Variants in B3GALT1 observed in about 807,000 individuals in gnomAD.
B3GALT1 encodes the protein beta-1,3-galactosyltransferase 1.
Under a neutral mutation model 23.2 loss-of-function variants are expected in B3GALT1, and 10 were observed. That is an observed-to-expected ratio of 0.43 (90% CI 0.27 to 0.73). The LOEUF is 0.73. B3GALT1 is among the 30% of genes least tolerant of loss of function. The probability of loss-of-function intolerance (pLI) is 0.21; values close to 1 mark genes in which losing one functional copy is unlikely to be tolerated. For missense variants in B3GALT1, 299 were observed against 405.4 expected (o/e 0.74, Z 2.25); for synonymous variants, 156 against 141.5 (o/e 1.10, Z -0.73).
chr2:167,460,516 T>A (rs577264724), intron 1 of B3GALT1, among the ~76,000 whole-genome samples: 8 of 152,286 alleles, frequency 5.3e-5, no homozygotes, highest in Admixed American at 4.6e-4. Context: ...TTTTCGTGAT[T>A]TCTTCCAAAT....
intron 2 of B3GALT1, among the ~76,000 whole-genome samples, chr2:167,591,597 G>A (rs995764188): frequency 4.6e-5 from 7 of 152,118 alleles, no homozygotes; most frequent in East Asian, 1.9e-4. Flanking sequence ...AGCCTTCGGA[G>A]TAGCTGGAAC....
intron 2 of B3GALT1, among the ~76,000 whole-genome samples, chr2:167,586,796 T>C (rs1246945440): frequency 2.0e-5 from 3 of 152,220 alleles, no homozygotes; most frequent in Non-Finnish European, 2.9e-5. Context: ...GTTTGAAAAC[T>C]TAATATGTAA....
chr2:167,400,184 G>GTGTGTGTGTC (rs1240975872), intron 1 of B3GALT1, among the ~76,000 whole-genome samples: 2 of 151,450 alleles, frequency 1.3e-5, no homozygotes, highest in African/African-American at 2.4e-5. Flanking sequence ...GTGTGTGTGT[G>GTGTGTGTGTC]TGTGTGTGTC....
intron 1 of B3GALT1, among the ~76,000 whole-genome samples, chr2:167,481,839 T>G (rs1017916245): frequency 6.6e-6 from 1 of 152,232 alleles, no homozygotes; most frequent in Non-Finnish European, 1.5e-5. Context: ...GAGAGCACTC[T>G]GTTACATGCC....
chr2:167,753,018 A>G (rs137970808), intron 3 of B3GALT1, among the ~76,000 whole-genome samples: 29 of 152,334 alleles, frequency 1.9e-4, no homozygotes, highest in African/African-American at 6.3e-4. Context: ...CTGTAGGTCC[A>G]CAGTGATTCT....
At chr2:167,377,534 A>G (rs1444973906) in intron 1 of B3GALT1, among the ~76,000 whole-genome samples, 1 of 152,142 alleles carries the variant, frequency 6.6e-6, no homozygotes, top group Admixed American at 6.5e-5. Flanking sequence ...TATATGTTGT[A>G]TAGTTAACTC....
At chr2:167,566,203 A>T (rs138122403) in intron 2 of B3GALT1, among the ~76,000 whole-genome samples, 1 of 152,120 alleles carries the variant, frequency 6.6e-6, no homozygotes, top group East Asian at 1.9e-4. Context: ...CCTTTGTAGG[A>T]ACATGGATGA....
chr2:167,795,092 C>T (rs1401367640), intron 3 of B3GALT1, among the ~76,000 whole-genome samples: 1 of 152,082 alleles, frequency 6.6e-6, no homozygotes. Flanking sequence ...CAGTGAGTAC[C>T]ATGATAGCAT....
intron 3 of B3GALT1, among the ~76,000 whole-genome samples, chr2:167,744,637 G>T (rs1424554271): frequency 1.3e-5 from 2 of 151,600 alleles, no homozygotes; most frequent in African/African-American, 4.9e-5. Context: ...TGTTGCCCAG[G>T]CTGGAGTGCA....
At chr2:167,356,313 C>G (rs1697403117) in intron 1 of B3GALT1, among the ~76,000 whole-genome samples, 1 of 152,074 alleles carries the variant, frequency 6.6e-6, no homozygotes, top group Non-Finnish European at 1.5e-5. Flanking sequence ...TATATATGCC[C>G]TTGGCCATAA....
chr2:167,821,524 T>C (rs188478978), intron 4 of B3GALT1, among the ~76,000 whole-genome samples: 1 of 145,290 alleles, frequency 6.9e-6, no homozygotes. Context: ...AACCTCTGCC[T>C]CCTGGGTTCA....
chr2:167,392,879 ACT>A (rs1323568604), intron 1 of B3GALT1, among the ~76,000 whole-genome samples: 1 of 152,024 alleles, frequency 6.6e-6, no homozygotes, highest in Non-Finnish European at 1.5e-5. Context: ...ATCATAACAC[ACT>A]CTCCTCTAGA....
intron 1 of B3GALT1, among the ~76,000 whole-genome samples, chr2:167,450,821 G>A (rs1699078111): frequency 6.6e-6 from 1 of 152,028 alleles, no homozygotes; most frequent in African/African-American, 2.4e-5. Flanking sequence ...TCTTCATCAG[G>A]AACATCAATT....
At chr2:167,547,139 G>A (rs1300323177) in intron 2 of B3GALT1, among the ~76,000 whole-genome samples, 1 of 152,166 alleles carries the variant, frequency 6.6e-6, no homozygotes, top group Middle Eastern at 3.2e-3. Context: ...CAGTTGCTTT[G>A]CAGCAGACGC....
intron 2 of B3GALT1, among the ~76,000 whole-genome samples, chr2:167,532,796 T>TA (rs1683350875): frequency 6.6e-6 from 1 of 152,010 alleles, no homozygotes; most frequent in African/African-American, 2.4e-5. Context: ...ATAGCTTTCT[T>TA]AGAGTATTTT....
chr2:167,845,340 T>C (rs751230608), intron 4 of B3GALT1, among the ~76,000 whole-genome samples: 1 of 152,072 alleles, frequency 6.6e-6, no homozygotes, highest in Non-Finnish European at 1.5e-5. Flanking sequence ...ACAGAGTCCA[T>C]TGCACCCCCC....
At chr2:167,548,703 T>TGAGA (rs1375273624) in intron 2 of B3GALT1, among the ~76,000 whole-genome samples, 3 of 151,274 alleles carry the variant, frequency 2.0e-5, no homozygotes, top group Admixed American at 6.6e-5. Context: ...TGTGTGTGTG[T>TGAGA]GTGTGTGTGT....
chr2:167,616,074 T>C lies in B3GALT1; in HGVS notation c.-409-30835T>C, dbSNP rs934845878. On this transcript the variant is annotated intron_variant, in intron 2 of 4. Transcript: ENST00000392690. ...TAACAGAACAAAACAAAAAGCACTT[T>C]ACAAAGAAAAAAGAAGAAGGGAATA... 1.0e-4 allele frequency among the ~76,000 whole-genome samples: 8 copies of C among 76,820 alleles called. No individual in the cohort carries two copies. The Admixed American group carries it at 1.6e-3, about 15-fold the overall frequency. 50.4% of individuals were successfully genotyped at this position (76,820 alleles called of 152,430 possible).
intron 1 of B3GALT1, among the ~76,000 whole-genome samples, chr2:167,423,895 G>A (rs1698585899): frequency 6.6e-6 from 1 of 152,110 alleles, no homozygotes; most frequent in Non-Finnish European, 1.5e-5. Flanking sequence ...CAGTGCCTGG[G>A]GAGATACTCA....
Sources: gnomAD v4.1 joint callset for allele counts (sites outside exome capture counted in the v4.1 genomes callset) on GRCh38, gnomAD v4.1.1 for gene constraint, MANE v1.5 for transcripts, NCBI Gene and HGNC (gene_info 2026-07-23, HGNC 2026-07-21) for gene names.